The following MCTP1 variants were observed in gnomAD, a reference collection of about 807,000 sequenced individuals.
MCTP1 encodes the protein multiple C2 and transmembrane domain containing 1.
In MCTP1, 69 loss-of-function variants were observed where a neutral mutation model predicts 120.6. The observed-to-expected ratio is 0.57, with a 90% CI of 0.47 to 0.70. The LOEUF (loss-of-function observed/expected upper bound fraction) is 0.70, where lower values mean the gene tolerates loss of function less well. Among genes scored for constraint, MCTP1 ranks in the 30% least tolerant of loss-of-function variants. MCTP1 has a pLI of 0.00. For missense variants in MCTP1, 1,203 were observed against 1,248.8 expected (o/e 0.96, Z 0.55); for synonymous variants, 529 against 493.1 (o/e 1.07, Z -0.96).
intron 1 of MCTP1, among the ~76,000 whole-genome samples, chr5:95,102,697 T>C (rs1756829127): frequency 6.9e-6 from 1 of 144,336 alleles, no homozygotes; most frequent in Non-Finnish European, 1.5e-5. Context: ...AATCCATGAT[T>C]ACAGTATGTT....
At chr5:95,045,375 A>G (rs1842984005) in intron 1 of MCTP1, among the ~76,000 whole-genome samples, 2 of 152,178 alleles carry the variant, frequency 1.3e-5, no homozygotes, top group African/African-American at 4.8e-5. Context: ...AATGAATTTT[A>G]TGTCTGTGTG....
chr5:94,996,332 G>C (rs564724812), intron 2 of MCTP1, among the ~76,000 whole-genome samples: 92 of 152,288 alleles, frequency 6.0e-4, no homozygotes, highest in Non-Finnish European at 9.7e-4. Context: ...AATAAGTCAT[G>C]CCTTTGTTTT....
intron 19 of MCTP1, among the ~76,000 whole-genome samples, chr5:94,748,284 G>T (rs17084010): frequency 0.15 from 22,500 of 152,146 alleles, 1,752 homozygotes; most frequent in Middle Eastern, 0.21. Context: ...CATGCCAGTT[G>T]CATGTACAGT....
intron 10 of MCTP1, among the ~76,000 whole-genome samples, chr5:94,903,881 A>C (rs1293699761): frequency 6.6e-6 from 1 of 152,214 alleles, no homozygotes; most frequent in Non-Finnish European, 1.5e-5. Flanking sequence ...GCACATTCAT[A>C]AAAACAACTT....
At chr5:94,977,972 A>G (rs1167063914) in intron 2 of MCTP1, among the ~76,000 whole-genome samples, 3 of 152,144 alleles carry the variant, frequency 2.0e-5, no homozygotes, top group Non-Finnish European at 4.4e-5. Context: ...CAAATCATAT[A>G]TCAGATAAGG....
intron 18 of MCTP1, among the ~76,000 whole-genome samples, chr5:94,782,731 G>A (rs564033686): frequency 4.6e-5 from 7 of 152,088 alleles, no homozygotes; most frequent in East Asian, 3.9e-4. Context: ...GCACTACATC[G>A]TTTTGTTTTC....
At chr5:95,202,637 A>G (rs999381253) in intron 1 of MCTP1, among the ~76,000 whole-genome samples, 1 of 152,186 alleles carries the variant, frequency 6.6e-6, no homozygotes, top group Non-Finnish European at 1.5e-5. Context: ...GAAAGTATCA[A>G]AATTAATTTC....
At chr5:94,953,888 T>C in intron 2 of MCTP1, among the ~76,000 whole-genome samples, 1 of 103,326 alleles carries the variant, frequency 9.7e-6, no homozygotes, top group Non-Finnish European at 1.9e-5. Flanking sequence ...TATGCATATA[T>C]ATACAAATAT....
intron 6 of MCTP1, among the ~76,000 whole-genome samples, chr5:94,925,478 G>A (rs1295320722): frequency 2.0e-5 from 3 of 151,608 alleles, no homozygotes; most frequent in Non-Finnish European, 1.5e-5. Flanking sequence ...GCGCAATCTC[G>A]GCTCACTGCA....
chr5:95,216,888 G>C (rs1001758531), intron 1 of MCTP1, among the ~76,000 whole-genome samples: 1 of 152,166 alleles, frequency 6.6e-6, no homozygotes, highest in African/African-American at 2.4e-5. Context: ...AAGTACAAGA[G>C]AGCAGCCAGT....
chr5:95,044,852 G>A, intron 1 of MCTP1, among the ~76,000 whole-genome samples: 1 of 151,880 alleles, frequency 6.6e-6, no homozygotes, highest in Non-Finnish European at 1.5e-5. Context: ...TCCCTAACGT[G>A]AATCAGGGCA....
chr5:95,001,371 G>C (rs1267966652), intron 2 of MCTP1, among the ~76,000 whole-genome samples: 1 of 152,156 alleles, frequency 6.6e-6, no homozygotes, highest in Non-Finnish European at 1.5e-5. Context: ...GAACAGTTTG[G>C]AGGGCTCCGA....
chr5:95,170,587 G>T (rs1322909324), intron 1 of MCTP1, among the ~76,000 whole-genome samples: 4 of 151,980 alleles, frequency 2.6e-5, no homozygotes, highest in Admixed American at 2.6e-4. Flanking sequence ...TATGAATCTG[G>T]GTGCTCCTGT....
intron 19 of MCTP1, among the ~76,000 whole-genome samples, chr5:94,757,359 GA>G (rs1036944768): frequency 1.3e-5 from 2 of 152,184 alleles, no homozygotes; most frequent in African/African-American, 2.4e-5. Context: ...AGGCTAAGAG[GA>G]AGGTGCAAAG....
chr5:94,846,129 G>T (rs922700634), intron 17 of MCTP1, among the ~76,000 whole-genome samples: 1 of 152,056 alleles, frequency 6.6e-6, no homozygotes, highest in Non-Finnish European at 1.5e-5. Flanking sequence ...TTGGCTATTC[G>T]GCCCAGTAAT....
At chr5:95,228,374 TC>T (rs1412871885) in intron 1 of MCTP1, among the ~76,000 whole-genome samples, 3 of 151,696 alleles carry the variant, frequency 2.0e-5, no homozygotes, top group Admixed American at 6.6e-5. Context: ...TAAGAATCAA[TC>T]TTATAGAGGA....
chr5:95,093,556 T>TCA (rs1166972156), intron 1 of MCTP1, among the ~76,000 whole-genome samples: 1 of 152,134 alleles, frequency 6.6e-6, no homozygotes, highest in Non-Finnish European at 1.5e-5. Flanking sequence ...CCTTAGATGA[T>TCA]ACTATGTTTC....
rs186374413 is a variant in MCTP1, at chr5:95,196,945, T to A, written c.720+86911A>T. 1.1e-3 allele frequency among the ~76,000 whole-genome samples: 169 copies of A among 152,276 alleles called. 1 individual carries two copies. Among genetic ancestry groups the A allele is most frequent in the East Asian group, 6.6e-3 (34 of 5,186 alleles). ...AATACATTCAACAGATTGATTTTTT[T>A]AAAAAAATTAAGAGTATTAAACCAG... On this transcript the variant is annotated intron_variant, in intron 1 of 22. Transcript: ENST00000515393.
At chr5:94,910,251 T>TA (rs1808207873) in intron 9 of MCTP1, among the ~76,000 whole-genome samples, 1 of 151,788 alleles carries the variant, frequency 6.6e-6, no homozygotes, top group Admixed American at 6.6e-5. Flanking sequence ...TATATACACA[T>TA]ATGTGGATAT....
Sources: allele counts gnomAD v4.1 joint callset (sites outside exome capture counted in the v4.1 genomes callset), GRCh38; gene constraint gnomAD v4.1.1; transcripts MANE v1.5; gene names NCBI Gene and HGNC (gene_info 2026-07-23, HGNC 2026-07-21).